The following LHX4 variants were observed in gnomAD, a reference collection of about 807,000 sequenced individuals.
LHX4 encodes LIM/homeobox protein Lhx4.
A neutral mutation model predicts 39.2 loss-of-function variants in LHX4; 16 were observed. That is an observed-to-expected ratio of 0.41 (90% CI 0.28 to 0.62). LHX4 has a LOEUF of 0.62. Among genes scored for constraint, LHX4 ranks in the 20% least tolerant of loss-of-function variants. LHX4 has a pLI of 0.33. For synonymous variants in LHX4, 206 were observed against 198.1 expected, an observed-to-expected ratio of 1.04 and a Z score of -0.33; for missense variants, 439 against 511.9, an observed-to-expected ratio of 0.86 and a Z score of 1.37.
chr1:180,265,199 C>T (rs1648262111), intron 2 of LHX4, among the ~76,000 whole-genome samples: 1 of 152,172 alleles, frequency 6.6e-6, no homozygotes, highest in Non-Finnish European at 1.5e-5. Context: ...TTAAAAGGAC[C>T]ATTAAAATCA....
intron 2 of LHX4, among the ~76,000 whole-genome samples, chr1:180,265,570 C>G (rs1297417648): frequency 1.3e-5 from 2 of 152,182 alleles, no homozygotes; most frequent in African/African-American, 4.8e-5. Flanking sequence ...TAGAAGCTGC[C>G]TTGGTGGCAG....
intron 2 of LHX4, among the ~76,000 whole-genome samples, chr1:180,262,456 T>C (rs1648147468): frequency 6.6e-6 from 1 of 152,026 alleles, no homozygotes; most frequent in African/African-American, 2.4e-5. Flanking sequence ...GAACCTCCAC[T>C]GCAGGCTGGT....
At position 180,246,322 on chromosome 1, in the gene LHX4, G is replaced by A. The variant is rs559269919; in HGVS notation, c.77-1963G>A. On this transcript the variant is annotated intron_variant, in intron 1 of 5. Coordinates refer to ENST00000263726, the MANE Select transcript of LHX4 (RefSeq NM_033343.4). Reference sequence around the variant, plus strand: ...AAAGCCTTCTCTCTACATAGGTTTAGATGTGTTTAAAATTTTTCTTAGTAC... The same window carrying A: ...AAAGCCTTCTCTCTACATAGGTTTAAATGTGTTTAAAATTTTTCTTAGTAC... Among the ~76,000 whole-genome samples the A allele has an allele frequency of 1.3e-3, 198 of 152,224 alleles. 1 individual carries two copies. The highest frequency in any genetic ancestry group is 2.4e-3 in the Non-Finnish European group (163 of 68,034).
chr1:180,251,609 C>G (rs1366399268), intron 2 of LHX4, among the ~76,000 whole-genome samples: 1 of 152,340 alleles, frequency 6.6e-6, no homozygotes, highest in Non-Finnish European at 1.5e-5. Flanking sequence ...GGGTTTGATG[C>G]TGCAACAAGT....
chr1:180,231,159 G>T (rs1456548174), intron 1 of LHX4, among the ~76,000 whole-genome samples: 1 of 151,494 alleles, frequency 6.6e-6, no homozygotes, highest in East Asian at 2.0e-4. Flanking sequence ...CGCCCGCCGC[G>T]TGCGCCGCGG....
rs574390212 is a variant in LHX4, at chr1:180,271,466, C to T, written c.538C>T (p.Pro180Ser). 2.8e-5 allele frequency: 45 copies of T among 1,614,182 alleles called. No homozygotes were observed. In the South Asian group the frequency reaches 4.2e-4, roughly 15 times the overall value. ...ATTAAAGAATGCATACAAGAACTCC[C>T]CCAAGCCTGCCCGGCACGTGAGGGA... ...ETLKNAYKNS[P>S]KPARHVREQL... The change falls in exon 4 of 6, where the codon CCC (proline) becomes TCC (serine). Residue 180 changes from proline to serine, a missense_variant. Pro to Ser is a moderately conservative substitution (Grantham distance 74). Coordinates refer to ENST00000263726, the MANE Select transcript of LHX4 (RefSeq NM_033343.4).
At position 180,274,423 on chromosome 1, in the gene LHX4, C is replaced by G. The variant is rs28737275; in HGVS notation, c.1017C>G (p.Gly339=). The change falls in exon 6 of 6, where the codon GGC becomes GGG. Residue 339 remains glycine (G), a synonymous_variant. Transcript: ENST00000263726. ...ATTACACGGTGGACAGTAATTTGGG[C>G]ATCATTGCGCATGCAGGGCAGGGAG... ...GLDYTVDSNL[G]IIAHAGQGVS... is the part of the protein sequence containing the mutation. 98 of 1,614,184 alleles carry G rather than the reference C, an allele frequency of 6.1e-5. No homozygotes were observed. The highest frequency in any genetic ancestry group is 3.3e-4 in the Middle Eastern group (2 of 6,062).
At chr1:180,270,265 C>G (rs1369522875) in intron 3 of LHX4, 2 of 152,224 alleles carry the variant, frequency 1.3e-5, no homozygotes, top group Non-Finnish European at 2.9e-5. Context: ...ACTATTGTTT[C>G]TAAGAGAGGG....
chr1:180,235,666 G>A (rs1234197708), intron 1 of LHX4, among the ~76,000 whole-genome samples: 1 of 152,202 alleles, frequency 6.6e-6, no homozygotes, highest in African/African-American at 2.4e-5. Flanking sequence ...ACGAGCGCTG[G>A]AAACGTGTCA....
At position 180,271,990 on chromosome 1, in the gene LHX4, T is replaced by C. The variant is rs1364306543; in HGVS notation, c.762T>C (p.Ser254=). 2 of 1,612,412 alleles carry C rather than the reference T, an allele frequency of 1.2e-6. No individual in the cohort carries two copies. Among genetic ancestry groups the C allele is most frequent in the East Asian group, 4.5e-5 (2 of 44,762 alleles). ...CAGAGGACTGTGGGGTTAGTGACAG[T>C]GAGCTGAGCTTCCGAGGTGAGCAGG... The part of the protein sequence containing the change: ...SSAEDCGVSD[S]ELSFREDQIL... Residue 254 remains serine, a synonymous_variant, in exon 5 of 6, where the codon AGT becomes AGC. Transcript: ENST00000263726.
chr1:180,259,098 G>C (rs572066808), intron 2 of LHX4, among the ~76,000 whole-genome samples: 1 of 152,026 alleles, frequency 6.6e-6, no homozygotes, highest in African/African-American at 2.4e-5. Flanking sequence ...CCAGGGGAGC[G>C]GGGTGGGCAG....
In LHX4 at chr1:180,269,638, C is replaced by T. The variant is rs531364314; in HGVS notation, c.452-1742C>T. 5.9e-5 allele frequency: 9 copies of T among 152,216 alleles called. 1 individual carries two copies. Among genetic ancestry groups the T allele is most frequent in the South Asian group, 4.1e-4 (2 of 4,822 alleles). 9.4% of individuals were successfully genotyped at this position (152,216 alleles called of 1,614,324 possible). On this transcript the variant is annotated intron_variant, in intron 3 of 5. Transcript: ENST00000263726. ...AGCTATTTTGAAATTAAGTGATTCT[C>T]GAGAAATTAAAACATTTTTGGTGAT...
chr1:180,269,522 G>C (rs920226599), intron 3 of LHX4: 1 of 152,170 alleles, frequency 6.6e-6, no homozygotes. Context: ...TAGCAGTGCC[G>C]AACCAGCGGG....
intron 2 of LHX4, among the ~76,000 whole-genome samples, chr1:180,264,188 G>C (rs1648219214): frequency 6.6e-6 from 1 of 152,156 alleles, no homozygotes; most frequent in African/African-American, 2.4e-5. Flanking sequence ...CTGGGCTCAA[G>C]TGATCCTCCT....
intron 2 of LHX4, among the ~76,000 whole-genome samples, chr1:180,260,611 C>A (rs1400047870): frequency 6.6e-6 from 1 of 151,858 alleles, no homozygotes; most frequent in Admixed American, 6.5e-5. Flanking sequence ...CTCTTCTCTG[C>A]CCACACCTGG....
intron 1 of LHX4, among the ~76,000 whole-genome samples, chr1:180,231,554 T>TCGCG (rs3041737): frequency 8.3e-5 from 11 of 132,666 alleles, no homozygotes; most frequent in East Asian, 5.7e-4. Context: ...TGCCCAGTCG[T>TCGCG]CGCGCGCGCG....
At position 180,234,218 on chromosome 1, in the gene LHX4, T is replaced by TATATAA. The variant is rs1558207278; in HGVS notation, c.76+3616_76+3617insTAAATA. Among the ~76,000 whole-genome samples, 3 of 70,764 alleles carry TATATAA rather than the reference T, an allele frequency of 4.2e-5. No individual in the cohort carries two copies. The highest frequency in any genetic ancestry group is 2.3e-4 in the African/African-American group (3 of 13,052). The allele number at this position is 70,764 out of a possible 152,430, so 46.4% of individuals were successfully genotyped here. A position where few individuals can be genotyped will look rare whatever the true frequency, so the allele number is the denominator to read the frequency against. On this transcript the variant is annotated intron_variant, in intron 1 of 5. Coordinates refer to ENST00000263726, the MANE Select transcript of LHX4 (RefSeq NM_033343.4). The surrounding 1 kb of genome is among the most constrained non-coding windows in gnomAD (Gnocchi z 4.8). ...ATATATATATATATATATATATATA[T>TATATAA]ATAATAGATTGAGATTCTATCATAT...
rs985868943 is a variant in LHX4 at position 180,232,834 on chromosome 1, G to C, written c.76+2229G>C. 2.0e-5 allele frequency among the ~76,000 whole-genome samples: 3 copies of C among 152,228 alleles called. No homozygotes were observed. The highest frequency in any genetic ancestry group is 7.2e-5 in the African/African-American group (3 of 41,452). On this transcript the variant is annotated intron_variant, in intron 1 of 5. Coordinates refer to ENST00000263726, the MANE Select transcript of LHX4 (RefSeq NM_033343.4). The surrounding 1 kb of genome is among the most constrained non-coding windows in gnomAD (Gnocchi z 5.4). ...CTGGGCCCAGTGGCCTAAGAAGGGG[G>C]GAAGCTCGAGGGGTTGTGGGGCACA...
intron 2 of LHX4, among the ~76,000 whole-genome samples, chr1:180,258,567 A>G (rs578141729): frequency 1.3e-5 from 2 of 152,312 alleles, no homozygotes; most frequent in East Asian, 3.9e-4. Flanking sequence ...GTTAGGAGGC[A>G]GCTGTAGGTG....
Sources: allele counts gnomAD v4.1 joint callset (sites outside exome capture counted in the v4.1 genomes callset), GRCh38; gene constraint gnomAD v4.1.1; non-coding constraint Gnocchi (gnomAD v3.1); transcripts MANE v1.5; gene names NCBI Gene and HGNC (gene_info 2026-07-23, HGNC 2026-07-21).